PKIA: variants seen among roughly 807,000 people sequenced by gnomAD.
PKIA encodes PKI-alpha.
In PKIA, 4 loss-of-function variants were observed where a neutral mutation model predicts 7.6. That is an observed-to-expected ratio of 0.52 (90% CI 0.26 to 1.20). The LOEUF is 1.20. Ranked by LOEUF, PKIA falls within the 50% of genes most tolerant of loss-of-function variation. The probability of loss-of-function intolerance (pLI) is 0.13; values close to 1 mark genes in which losing one functional copy is unlikely to be tolerated. For missense variants in PKIA, 73 were observed against 86.2 expected (o/e 0.85, Z 0.61); for synonymous variants, 21 against 30.7 (o/e 0.68, Z 1.04).
intron 1 of PKIA, among the ~76,000 whole-genome samples, chr8:78,547,093 A>C (rs1806841765): frequency 6.6e-6 from 1 of 151,924 alleles, no homozygotes; most frequent in Non-Finnish European, 1.5e-5. Flanking sequence ...AAAAACAAAA[A>C]CAGTTTTGTT....
In PKIA at chr8:78,546,711, A is replaced by G. The variant is rs548262498; in HGVS notation, c.-156-26100A>G. On this transcript the variant is annotated intron_variant, in intron 1 of 3. Transcript: ENST00000396418. ...TTCAGCTCTCGAACCAGTTAAATAG[A>G]TGCCATAAATATGTTGATTCTTGTA... Among the ~76,000 whole-genome samples the G allele has an allele frequency of 7.9e-5, 12 of 152,322 alleles. No homozygotes were observed. In the South Asian group the frequency reaches 2.5e-3, roughly 32 times the overall value.
intron 2 of PKIA, among the ~76,000 whole-genome samples, chr8:78,576,092 C>A (rs890136240): frequency 2.6e-5 from 4 of 151,908 alleles, no homozygotes; most frequent in Non-Finnish European, 4.4e-5. Context: ...ATGTTTAAGA[C>A]CTTATTTAAC....
chr8:78,528,702 C>T (rs1256035667), intron 1 of PKIA, among the ~76,000 whole-genome samples: 1 of 150,586 alleles, frequency 6.6e-6, no homozygotes, highest in South Asian at 2.1e-4. Flanking sequence ...CATGGTGGCT[C>T]ATGCCTGTAA....
At chr8:78,556,877 A>C (rs1208569924) in intron 1 of PKIA, among the ~76,000 whole-genome samples, 1 of 152,128 alleles carries the variant, frequency 6.6e-6, no homozygotes, top group Non-Finnish European at 1.5e-5. Flanking sequence ...CTAGCAGAAG[A>C]AGCTGGCAGG....
intron 1 of PKIA, among the ~76,000 whole-genome samples, chr8:78,530,668 T>C (rs187275560): frequency 1.3e-4 from 20 of 152,216 alleles, no homozygotes; most frequent in South Asian, 2.1e-4. Context: ...CTAGTTTGCA[T>C]TGACATAATG....
At chr8:78,549,311 GA>G (rs1041884095) in intron 1 of PKIA, among the ~76,000 whole-genome samples, 5 of 151,778 alleles carry the variant, frequency 3.3e-5, no homozygotes, top group Non-Finnish European at 7.4e-5. Context: ...TTTTGGAAGA[GA>G]AAAAGCTAGA....
intron 1 of PKIA, among the ~76,000 whole-genome samples, chr8:78,548,644 A>G (rs564592371): frequency 3.9e-5 from 6 of 152,272 alleles, no homozygotes; most frequent in African/African-American, 1.4e-4. Flanking sequence ...AAGAACACTG[A>G]ATCGTATAGA....
Position 78,578,213 on chromosome 8 carries a change from T to C in PKIA, c.-28+5274T>C, listed in dbSNP as rs146362668. On this transcript the variant is annotated intron_variant, in intron 2 of 3. Coordinates refer to ENST00000396418, the MANE Select transcript of PKIA (RefSeq NM_006823.4). Reference sequence around the variant, plus strand: ...AAGTAAGTCATTTCATATGTAAACTTTATTCTGATTCTAAAATTGTTATGA... The same window carrying C: ...AAGTAAGTCATTTCATATGTAAACTCTATTCTGATTCTAAAATTGTTATGA... 2.0e-5 allele frequency among the ~76,000 whole-genome samples: 3 copies of C among 152,138 alleles called. No homozygotes were observed. In the East Asian group the frequency reaches 5.8e-4, roughly 30 times the overall value.
At chr8:78,530,685 T>G (rs561321048) in intron 1 of PKIA, among the ~76,000 whole-genome samples, 1 of 152,200 alleles carries the variant, frequency 6.6e-6, no homozygotes, top group South Asian at 2.1e-4. Context: ...AATGCTGACA[T>G]GAGATTGTAT....
At chr8:78,599,929 TATTAA>T (rs964285093) in intron 3 of PKIA, among the ~76,000 whole-genome samples, 2 of 150,578 alleles carry the variant, frequency 1.3e-5, no homozygotes, top group Non-Finnish European at 3.0e-5. Flanking sequence ...CCTGAAAACA[TATTAA>T]ATTATTATAA....
chr8:78,523,220 A>G (rs1203252617), intron 1 of PKIA, among the ~76,000 whole-genome samples: 1 of 151,936 alleles, frequency 6.6e-6, no homozygotes, highest in Non-Finnish European at 1.5e-5. Context: ...GACACACTCC[A>G]CAGTGTAGCT....
At chr8:78,542,606 A>T (rs563101271) in intron 1 of PKIA, among the ~76,000 whole-genome samples, 2 of 152,230 alleles carry the variant, frequency 1.3e-5, no homozygotes, top group East Asian at 3.9e-4. Context: ...TTTTTTCCAG[A>T]ATTTGCTGTA....
intron 1 of PKIA, among the ~76,000 whole-genome samples, chr8:78,561,464 T>G (rs995256160): frequency 6.6e-6 from 1 of 152,034 alleles, no homozygotes; most frequent in Admixed American, 6.6e-5. Context: ...TTTTTTTGTT[T>G]TTTTTTTTCT....
At chr8:78,580,354 ATT>A (rs1468864059) in intron 2 of PKIA, among the ~76,000 whole-genome samples, 2 of 152,000 alleles carry the variant, frequency 1.3e-5, no homozygotes, top group Non-Finnish European at 2.9e-5. Context: ...AGGAAAAAAT[ATT>A]GTTTCTCTCC....
chr8:78,521,591 C>CTTT (rs150930015), intron 1 of PKIA, among the ~76,000 whole-genome samples: 1 of 151,686 alleles, frequency 6.6e-6, no homozygotes, highest in African/African-American at 2.4e-5. Context: ...TCCCAAATAC[C>CTTT]TTTTTTTGTA....
intron 1 of PKIA, among the ~76,000 whole-genome samples, chr8:78,566,069 A>AG (rs1263536299): frequency 6.6e-6 from 1 of 152,066 alleles, no homozygotes. Context: ...ATGGAAAAAA[A>AG]TGATCAACTC....
chr8:78,589,226 T>C (rs1808033867), intron 2 of PKIA, among the ~76,000 whole-genome samples: 1 of 152,040 alleles, frequency 6.6e-6, no homozygotes, highest in African/African-American at 2.4e-5. Context: ...AGGTAAGATT[T>C]GCTATGGAGA....
chr8:78,586,488 G>T (rs985952995), intron 2 of PKIA, among the ~76,000 whole-genome samples: 2 of 152,030 alleles, frequency 1.3e-5, no homozygotes, highest in Non-Finnish European at 2.9e-5. Context: ...TAACAGTGAG[G>T]CAACTGAATA....
chr8:78,521,845 A>G (rs1340492466), intron 1 of PKIA, among the ~76,000 whole-genome samples: 1 of 151,936 alleles, frequency 6.6e-6, no homozygotes, highest in Non-Finnish European at 1.5e-5. Context: ...GAAACTCTAT[A>G]CACATTAAAC....
Sources: allele counts gnomAD v4.1 joint callset (sites outside exome capture counted in the v4.1 genomes callset), GRCh38; gene constraint gnomAD v4.1.1; transcripts MANE v1.5; gene names NCBI Gene and HGNC (gene_info 2026-07-23, HGNC 2026-07-21).